CENPP: variants seen among roughly 807,000 people sequenced by gnomAD.
The protein encoded by CENPP is centromere protein P.
A neutral mutation model predicts 35.6 loss-of-function variants in CENPP; 24 were observed. That is an observed-to-expected ratio of 0.67 (90% CI 0.49 to 0.95). The LOEUF is 0.95. Among genes scored for constraint, CENPP ranks in the 40% least tolerant of loss-of-function variants. The pLI is 0.00. For missense variants in CENPP, 332 were observed against 345.3 expected (o/e 0.96, Z 0.31); for synonymous variants, 120 against 125.5 (o/e 0.96, Z 0.29).
Position 92,427,643 on chromosome 9 carries a change from G to C in CENPP, c.564+47784G>C, listed in dbSNP as rs565785425. ...TTACAGGCATGTGCCACCATGTCTG[G>C]CTAATTTTGTATTTTCAGTAGAGTC... On this transcript the variant is annotated intron_variant, in intron 5 of 7. Transcript: ENST00000375587. Among the ~76,000 whole-genome samples the C allele has an allele frequency of 4.8e-4, 73 of 151,364 alleles. No homozygotes were observed. The South Asian group carries it at 0.014, about 30-fold the overall frequency.
chr9:92,577,165 C>T (rs1040651057), intron 5 of CENPP, among the ~76,000 whole-genome samples: 2 of 152,078 alleles, frequency 1.3e-5, no homozygotes, highest in Non-Finnish European at 2.9e-5. Context: ...TCACATATCC[C>T]TAGGTGTGTG....
At chr9:92,441,121 C>G (rs1844375525) in intron 5 of CENPP, among the ~76,000 whole-genome samples, 1 of 152,074 alleles carries the variant, frequency 6.6e-6, no homozygotes, top group Non-Finnish European at 1.5e-5. Context: ...AAAACAAGTG[C>G]ATGAATTTTT....
At chr9:92,587,473 A>G (rs1454313710) in intron 5 of CENPP, among the ~76,000 whole-genome samples, 1 of 151,706 alleles carries the variant, frequency 6.6e-6, no homozygotes, top group African/African-American at 2.4e-5. Context: ...GCCATCTCAA[A>G]AAAAAGGGGG....
At chr9:92,574,845 T>C (rs185820506) in intron 5 of CENPP, among the ~76,000 whole-genome samples, 1 of 152,242 alleles carries the variant, frequency 6.6e-6, no homozygotes, top group Non-Finnish European at 1.5e-5. Context: ...ATCAAAACAA[T>C]GTAGGACTGA....
chr9:92,530,451 A>C (rs1848676874), intron 5 of CENPP, among the ~76,000 whole-genome samples: 1 of 152,246 alleles, frequency 6.6e-6, no homozygotes, highest in Non-Finnish European at 1.5e-5. Context: ...TATGCCAATA[A>C]AAAGTAATTA....
chr9:92,401,107 TG>T, intron 5 of CENPP: 1 of 1,472,940 alleles, frequency 6.8e-7, no homozygotes, highest in Non-Finnish European at 9.5e-7. Context: ...TTTTCTTTCT[TG>T]GGAGGTAATG....
At chr9:92,452,185 A>C (rs1157586732) in intron 5 of CENPP, among the ~76,000 whole-genome samples, 1 of 151,804 alleles carries the variant, frequency 6.6e-6, no homozygotes, top group East Asian at 1.9e-4. Flanking sequence ...CCACTTTTCA[A>C]AGGGAATGCT....
At chr9:92,533,210 G>T (rs331374) in intron 5 of CENPP, among the ~76,000 whole-genome samples, 1,946 of 144,010 alleles carry the variant, frequency 0.014, 26 homozygotes, top group Non-Finnish European at 0.021. Flanking sequence ...TGAGGCAGGA[G>T]AATCACTTGA....
chr9:92,357,687 G>A (rs1218300249), intron 4 of CENPP, among the ~76,000 whole-genome samples: 1 of 151,780 alleles, frequency 6.6e-6, no homozygotes. Context: ...TATTAGAGAT[G>A]GTGTTTCTCC....
At chr9:92,351,248 T>C (rs529828418) in intron 4 of CENPP, among the ~76,000 whole-genome samples, 19 of 152,208 alleles carry the variant, frequency 1.2e-4, no homozygotes, top group African/African-American at 4.3e-4. Context: ...CCCAGCACTT[T>C]GGGAGGCTGA....
chr9:92,592,054 A>G (rs563896336), intron 5 of CENPP, among the ~76,000 whole-genome samples: 1 of 152,172 alleles, frequency 6.6e-6, no homozygotes, highest in Non-Finnish European at 1.5e-5. Flanking sequence ...AAAGTATAAA[A>G]AAAAATAGAC....
intron 5 of CENPP, among the ~76,000 whole-genome samples, chr9:92,606,651 A>G (rs1851089377): frequency 6.6e-6 from 1 of 152,264 alleles, no homozygotes; most frequent in African/African-American, 2.4e-5. Context: ...CACGCCTGTA[A>G]TCCCAACACT....
chr9:92,599,759 G>A (rs375854412), intron 5 of CENPP, among the ~76,000 whole-genome samples: 33 of 152,228 alleles, frequency 2.2e-4, no homozygotes, highest in African/African-American at 7.9e-4. Flanking sequence ...GTTTCTCAGA[G>A]TCACTTCCCA....
rs1843873125 is a variant in CENPP at position 92,423,412 on chromosome 9, T to C, written c.564+43553T>C. Among the ~76,000 whole-genome samples the C allele has an allele frequency of 1.3e-5, 2 of 152,152 alleles. 1 individual carries two copies. The highest frequency in any genetic ancestry group is 3.8e-4 in the East Asian group (2 of 5,196). On this transcript the variant is annotated intron_variant, in intron 5 of 7. Transcript: ENST00000375587. ...TTACTAATGAGGTATAATTTACTTG[T>C]TCAGGAAAAGTTTAAAGTAAAATCC...
chr9:92,547,507 G>A (rs1849495637), intron 5 of CENPP, among the ~76,000 whole-genome samples: 1 of 152,232 alleles, frequency 6.6e-6, no homozygotes, highest in Non-Finnish European at 1.5e-5. Context: ...TGCTGAAAGT[G>A]TCACCACATG....
intron 5 of CENPP, chr9:92,517,850 C>G (rs752163626): frequency 6.2e-7 from 1 of 1,614,160 alleles, no homozygotes; most frequent in South Asian, 1.1e-5. Context: ...TGGTTATGCC[C>G]TTTACCAAAC....
At chr9:92,470,775 G>A (rs749509390) in intron 5 of CENPP, 1 of 1,558,458 alleles carries the variant, frequency 6.4e-7, no homozygotes, top group Non-Finnish European at 8.7e-7. Flanking sequence ...TGGGACTGAG[G>A]TCAAACCTTA....
intron 5 of CENPP, among the ~76,000 whole-genome samples, chr9:92,387,784 G>A (rs1842495685): frequency 6.6e-6 from 1 of 151,894 alleles, no homozygotes; most frequent in African/African-American, 2.4e-5. Context: ...TTTTTTTAGA[G>A]ATGGAGTCTC....
chr9:92,338,254 G>A (rs985798472), intron 3 of CENPP, among the ~76,000 whole-genome samples: 5 of 152,078 alleles, frequency 3.3e-5, no homozygotes, highest in African/African-American at 9.7e-5. Context: ...CAAGGCTACC[G>A]TGAGCTGTGA....
Sources: gnomAD v4.1 joint callset for allele counts (sites outside exome capture counted in the v4.1 genomes callset) on GRCh38, gnomAD v4.1.1 for gene constraint, MANE v1.5 for transcripts, NCBI Gene and HGNC (gene_info 2026-07-23, HGNC 2026-07-21) for gene names.